The following PLXNA2 variants were observed in gnomAD, a reference collection of about 807,000 sequenced individuals.
The protein encoded by PLXNA2 is plexin A2.
PLXNA2 carries 91 observed loss-of-function variants against 193.5 expected under a neutral mutation model. The ratio of observed to expected loss-of-function variants is 0.47; its 90% CI spans 0.40 to 0.56. PLXNA2 has a LOEUF of 0.56. Among genes scored for constraint, PLXNA2 ranks in the 20% least tolerant of loss-of-function variants. PLXNA2 has a pLI of 0.00. For synonymous variants in PLXNA2, 997 were observed against 1,027.3 expected (o/e 0.97, Z 0.56); for missense variants, 1,995 against 2,503.2 (o/e 0.80, Z 4.33).
chr1:208,100,640 T>C (rs1667064544), intron 5 of PLXNA2, among the ~76,000 whole-genome samples: 1 of 152,210 alleles, frequency 6.6e-6, no homozygotes, highest in Non-Finnish European at 1.5e-5. Flanking sequence ...CATGTTTTAT[T>C]CATTGGGATA....
Position 208,209,983 on chromosome 1 carries a change from A to AATTTTTTTTTTTTTTT in PLXNA2, c.1371+296_1371+297insAAAAAAAAAAAAAAAT, listed in dbSNP as rs34413554. The AATTTTTTTTTTTTTTT allele has an allele frequency of 7.6e-3, 664 of 87,770 alleles. 117 individuals carry two copies. The highest frequency in any genetic ancestry group is 0.012 in the Admixed American group (76 of 6,174). 5.4% of individuals were successfully genotyped at this position (87,770 alleles called of 1,614,324 possible). On this transcript the variant is annotated intron_variant, in intron 3 of 31. Transcript: ENST00000367033. ...TTGCTTGATTTGGGAATGAAGAGCA[A>AATTTTTTTTTTTTTTT]TTTTTTTTTTTTTTTTTTTTTGCTT...
intron 17 of PLXNA2, among the ~76,000 whole-genome samples, chr1:208,050,415 C>T (rs1391342304): frequency 6.6e-6 from 1 of 152,222 alleles, no homozygotes; most frequent in African/African-American, 2.4e-5. Flanking sequence ...TTCACTGGAC[C>T]TCAAAGTCAA....
chr1:208,200,577 C>CTTTTTTT (rs36026400), intron 3 of PLXNA2, among the ~76,000 whole-genome samples: 10 of 114,000 alleles, frequency 8.8e-5, no homozygotes, highest in South Asian at 2.9e-4. Flanking sequence ...CCCAATCCTT[C>CTTTTTTT]TTTTTTTTTT....
chr1:208,120,280 G>A (rs972083253), intron 4 of PLXNA2, among the ~76,000 whole-genome samples: 2 of 152,224 alleles, frequency 1.3e-5, no homozygotes, highest in Non-Finnish European at 2.9e-5. Flanking sequence ...CTCTTAAAAG[G>A]CAGATACTGA....
At chr1:208,233,247 T>C (rs118057822) in intron 1 of PLXNA2, among the ~76,000 whole-genome samples, 1,882 of 152,342 alleles carry the variant, frequency 0.012, 69 homozygotes, top group East Asian at 0.11. Flanking sequence ...TCTATCATAC[T>C]CGGTATATGG....
rs767911738 is a variant in PLXNA2 at position 208,079,326 on chromosome 1, G to A, written c.2520C>T (p.Ser840=). ...RRCTLHQHCT[S]PSSPWLDWSS... is the part of the protein sequence containing the mutation. The stretch of plus-strand genomic sequence containing the variant: ...ACCAGTCGAGCCAGGGGCTGGAAGG[G>A]CTGGTACAGTGCTGGTGGAGGGTGC... Residue 840 remains serine (S), a synonymous_variant, in exon 12 of 32, where the codon AGC becomes AGT. Coordinates refer to ENST00000367033, the MANE Select transcript of PLXNA2 (RefSeq NM_025179.4). 25 of 1,613,942 alleles carry A rather than the reference G, an allele frequency of 1.5e-5. No individual in the cohort carries two copies. The highest frequency in any genetic ancestry group is 2.1e-5 in the Non-Finnish European group (25 of 1,179,824).
At chr1:208,151,975 C>T (rs1668780482) in intron 3 of PLXNA2, among the ~76,000 whole-genome samples, 1 of 152,218 alleles carries the variant, frequency 6.6e-6, no homozygotes, top group Non-Finnish European at 1.5e-5. Context: ...ATATAGCTGT[C>T]TCCTCCACTG....
At chr1:208,055,344 C>T (rs1665396090) in intron 13 of PLXNA2, among the ~76,000 whole-genome samples, 2 of 152,160 alleles carry the variant, frequency 1.3e-5, no homozygotes. Flanking sequence ...AGAACAGTTA[C>T]ACAAGCACAT....
At chr1:208,170,837 TAAATAAAATA>T (rs912483880) in intron 3 of PLXNA2, among the ~76,000 whole-genome samples, 32 of 152,048 alleles carry the variant, frequency 2.1e-4, no homozygotes, top group African/African-American at 6.3e-4. Context: ...AGAAATAAAA[TAAATAAAATA>T]AAATAAAATA....
intron 1 of PLXNA2, among the ~76,000 whole-genome samples, chr1:208,231,221 G>A (rs536699929): frequency 2.6e-5 from 4 of 152,224 alleles, no homozygotes; most frequent in Non-Finnish European, 5.9e-5. Context: ...ATGGCAGGCC[G>A]GGGAGGGAGG....
At chr1:208,178,091 T>A (rs1178722492) in intron 3 of PLXNA2, among the ~76,000 whole-genome samples, 2 of 151,824 alleles carry the variant, frequency 1.3e-5, no homozygotes, top group Non-Finnish European at 2.9e-5. Context: ...TATAGGAGCA[T>A]AATAAGTGTC....
At position 208,216,791 on chromosome 1, in the gene PLXNA2, C is replaced by T. The variant is rs144926586; in HGVS notation, c.1132G>A (p.Glu378Lys). 1.8e-5 allele frequency: 29 copies of T among 1,613,976 alleles called. No individual in the cohort carries two copies. The highest frequency in any genetic ancestry group is 1.7e-4 in the African/African-American group (13 of 74,942). ...KERLQSCYQGEGNLELNWLLG... is the reference protein window; with the variant it reads ...KERLQSCYQGKGNLELNWLLG... ...AGCCAGTTGAGCTCCAGGTTGCCCT[C>T]GCCCTGGTAGCAGGACTGCAGGCGC... Residue 378 changes from glutamate to lysine, a missense_variant, in exon 2 of 32, where the codon GAG becomes AAG. Coordinates refer to ENST00000367033, the MANE Select transcript of PLXNA2 (RefSeq NM_025179.4).
chr1:208,156,331 A>G (rs1287083990), intron 3 of PLXNA2, among the ~76,000 whole-genome samples: 1 of 152,146 alleles, frequency 6.6e-6, no homozygotes, highest in Non-Finnish European at 1.5e-5. Flanking sequence ...TCACCCCACT[A>G]GGAACTCATC....
intron 26 of PLXNA2, among the ~76,000 whole-genome samples, chr1:208,037,553 G>T (rs1039595470): frequency 6.6e-6 from 1 of 152,120 alleles, no homozygotes; most frequent in African/African-American, 2.4e-5. Flanking sequence ...CCTCTAGTTG[G>T]TTTAATTTCC....
chr1:208,148,960 A>G (rs1668676251), intron 3 of PLXNA2, among the ~76,000 whole-genome samples: 1 of 152,246 alleles, frequency 6.6e-6, no homozygotes, highest in Non-Finnish European at 1.5e-5. Flanking sequence ...TTGGTCTCTC[A>G]GACCTAAGCA....
At chr1:208,079,505 AC>A in intron 11 of PLXNA2, 55 bp from the exon 12 acceptor site, 1 of 1,324,696 alleles carries the variant, frequency 7.5e-7, no homozygotes, top group Non-Finnish European at 1.0e-6. Context: ...CTCACAATGC[AC>A]CCTCCTCTTG....
intron 9 of PLXNA2, among the ~76,000 whole-genome samples, chr1:208,091,498 G>T (rs918260792): frequency 6.6e-6 from 1 of 152,162 alleles, no homozygotes; most frequent in Non-Finnish European, 1.5e-5. Context: ...TGCTAAATAA[G>T]ACATTGAAGA....
intron 3 of PLXNA2, among the ~76,000 whole-genome samples, chr1:208,174,108 G>T (rs1475688765): frequency 1.3e-5 from 2 of 152,250 alleles, no homozygotes; most frequent in Non-Finnish European, 2.9e-5. Context: ...TTGGATCAGA[G>T]GTAGAATCTC....
chr1:208,117,457 G>A (rs1043649007), intron 4 of PLXNA2, among the ~76,000 whole-genome samples: 1 of 152,192 alleles, frequency 6.6e-6, no homozygotes, highest in Admixed American at 6.5e-5. Flanking sequence ...AGGGAGGGCT[G>A]GCCTGAAGCA....
Sources: gnomAD v4.1 joint callset for allele counts (sites outside exome capture counted in the v4.1 genomes callset) on GRCh38, gnomAD v4.1.1 for gene constraint, MANE v1.5 for transcripts, NCBI Gene and HGNC (gene_info 2026-07-23, HGNC 2026-07-21) for gene names.